HEATR5A: variants seen among roughly 807,000 people sequenced by gnomAD.
The protein encoded by HEATR5A is HEAT repeat containing 5A.
In HEATR5A, 178 loss-of-function variants were observed where a neutral mutation model predicts 218.8. The ratio of observed to expected loss-of-function variants is 0.81; its 90% CI spans 0.72 to 0.92. The LOEUF is 0.92. HEATR5A is among the 40% of genes least tolerant of loss of function. The pLI is 0.00. For synonymous variants in HEATR5A, 864 were observed against 871.6 expected (o/e 0.99, Z 0.15); for missense variants, 2,420 against 2,418.9 (o/e 1.00, Z -0.01).
At chr14:31,377,223 G>A (rs888428555) in intron 11 of HEATR5A, among the ~76,000 whole-genome samples, 7 of 151,600 alleles carry the variant, frequency 4.6e-5, no homozygotes, top group Admixed American at 2.6e-4. Flanking sequence ...AAAATGTAGT[G>A]TAAAACCTGG....
chr14:31,397,658 CAAA>C (rs537734132), intron 4 of HEATR5A, among the ~76,000 whole-genome samples: 7 of 75,744 alleles, frequency 9.2e-5, no homozygotes, highest in East Asian at 3.7e-4. Context: ...GACTCCGTCT[CAAA>C]AAAAAAAAAA....
chr14:31,311,847 C>A (rs1899765260), intron 28 of HEATR5A, among the ~76,000 whole-genome samples: 1 of 152,156 alleles, frequency 6.6e-6, no homozygotes, highest in South Asian at 2.1e-4. Context: ...GCACACCAAA[C>A]AAAGGAGACA....
intron 19 of HEATR5A, among the ~76,000 whole-genome samples, chr14:31,346,842 C>T (rs980271929): frequency 2.6e-5 from 4 of 152,018 alleles, no homozygotes; most frequent in African/African-American, 9.7e-5. Flanking sequence ...ACAGATAAGA[C>T]GACAGAAGGG....
intron 1 of HEATR5A, among the ~76,000 whole-genome samples, chr14:31,413,761 C>T (rs576244040): frequency 6.6e-6 from 1 of 152,244 alleles, no homozygotes; most frequent in East Asian, 1.9e-4. Flanking sequence ...AGAAATTTGT[C>T]CGAGGCTGAA....
chr14:31,315,564 A>C (rs1183836877), intron 27 of HEATR5A, among the ~76,000 whole-genome samples: 1 of 152,216 alleles, frequency 6.6e-6, no homozygotes, highest in African/African-American at 2.4e-5. Context: ...CACTGCTTAA[A>C]GTAGGAGATA....
At chr14:31,371,980 C>A in intron 12 of HEATR5A, 71 bp from the exon 13 acceptor site, 1 of 656,214 alleles carries the variant, frequency 1.5e-6, no homozygotes, top group Non-Finnish European at 2.6e-6. Context: ...GATTATGGTA[C>A]AACATTAGCA....
At chr14:31,343,725 T>C (rs1180962596) in intron 21 of HEATR5A, among the ~76,000 whole-genome samples, 171 bp downstream of exon 21, 1 of 152,200 alleles carries the variant, frequency 6.6e-6, no homozygotes, top group Non-Finnish European at 1.5e-5. Context: ...TAGGAGCTGA[T>C]TGCATGAAAG....
intron 1 of HEATR5A, among the ~76,000 whole-genome samples, chr14:31,404,708 G>A (rs982767124): frequency 2.0e-5 from 3 of 151,950 alleles, no homozygotes; most frequent in South Asian, 4.1e-4. Flanking sequence ...GGGTCCAGGA[G>A]TTCGAGACCA....
intron 13 of HEATR5A, among the ~76,000 whole-genome samples, chr14:31,371,294 T>G (rs769372115): frequency 1.1e-4 from 16 of 152,224 alleles, no homozygotes; most frequent in Non-Finnish European, 1.5e-4. Context: ...TTATACCTTA[T>G]AAGCCATATC....
chr14:31,293,878 T>C lies in HEATR5A; in HGVS notation c.5833+13A>G. ...TTGTTGAGACTGAGTATGAATTTAG[T>C]GCTGACACTTACGATGGTGTTCTTC... On this transcript the variant is annotated intron_variant, in intron 35 of 35. Transcript: ENST00000543095. The C allele has an allele frequency of 6.3e-7, 1 of 1,575,078 alleles. No individual in the cohort carries two copies. The highest frequency in any genetic ancestry group is 8.7e-7 in the Non-Finnish European group (1 of 1,155,840).
intron 13 of HEATR5A, among the ~76,000 whole-genome samples, chr14:31,369,475 T>C (rs1053054632): frequency 2.6e-5 from 4 of 151,682 alleles, no homozygotes; most frequent in Admixed American, 6.6e-5. Context: ...TAGCCAGGCA[T>C]AGTGGTGCAT....
At position 31,359,051 on chromosome 14, in the gene HEATR5A, A is replaced by G; in HGVS notation, c.2078T>C (p.Leu693Pro). ...LLPPETYEGNLCAILRELAAD... is the reference protein window; with the variant it reads ...LLPPETYEGNPCAILRELAAD... Reference sequence around the variant, plus strand: ...AGCCAGCTCTCTGAGGATAGCACAGAGGTTTCCTGTTGAGTCACAGAAAAA... The same window carrying G: ...AGCCAGCTCTCTGAGGATAGCACAGGGGTTTCCTGTTGAGTCACAGAAAAA... Residue 693 changes from leucine to proline, a missense_variant, in exon 15 of 36, where the codon CTC becomes CCC. Leu to Pro is a moderately conservative substitution (Grantham distance 98). Coordinates refer to ENST00000543095, the MANE Select transcript of HEATR5A (RefSeq NM_015473.4). 1 of 1,594,926 alleles carries G rather than the reference A, an allele frequency of 6.3e-7. No homozygotes were observed. Among genetic ancestry groups the G allele is most frequent in the South Asian group, 1.2e-5 (1 of 86,472 alleles).
intron 33 of HEATR5A, among the ~76,000 whole-genome samples, chr14:31,300,558 C>T (rs750600295): frequency 5.3e-5 from 8 of 152,042 alleles, no homozygotes; most frequent in Non-Finnish European, 1.2e-4. Context: ...CAAGGGTCAG[C>T]TCCTTCCGGA....
chr14:31,408,602 C>T (rs2031161862), intron 1 of HEATR5A, among the ~76,000 whole-genome samples: 1 of 151,962 alleles, frequency 6.6e-6, no homozygotes, highest in African/African-American at 2.4e-5. Context: ...GCTGGCTTGA[C>T]AATTTATGTG....
At chr14:31,352,981 TA>T (rs1395682631) in intron 16 of HEATR5A, among the ~76,000 whole-genome samples, 2 of 149,642 alleles carry the variant, frequency 1.3e-5, no homozygotes, top group African/African-American at 5.0e-5. Flanking sequence ...AAAATAAAAA[TA>T]AAAATAAAAT....
intron 25 of HEATR5A, chr14:31,320,236 C>T: frequency 1.5e-6 from 1 of 674,270 alleles, no homozygotes. Flanking sequence ...ACATGGCGAA[C>T]AGGATGAAGA....
intron 27 of HEATR5A, among the ~76,000 whole-genome samples, chr14:31,313,823 T>C (rs558370127): frequency 8.5e-5 from 13 of 152,252 alleles, no homozygotes; most frequent in Non-Finnish European, 1.8e-4. Flanking sequence ...TTATAGATTC[T>C]ATGGTATTGC....
chr14:31,293,707 A>G, intron 35 of HEATR5A, 95 bp from the exon 36 acceptor site: 1 of 1,242,714 alleles, frequency 8.0e-7, no homozygotes, highest in Non-Finnish European at 1.1e-6. Flanking sequence ...TTCCCCACTA[A>G]AGAAAACAAT....
intron 33 of HEATR5A, among the ~76,000 whole-genome samples, chr14:31,301,859 C>T (rs1363691049): frequency 7.8e-6 from 1 of 128,014 alleles, no homozygotes; most frequent in Non-Finnish European, 1.5e-5. Flanking sequence ...GCTCTGTTGT[C>T]CAGGCTGGAG....
Sources: allele counts gnomAD v4.1 joint callset (sites outside exome capture counted in the v4.1 genomes callset), GRCh38; gene constraint gnomAD v4.1.1; transcripts MANE v1.5; gene names NCBI Gene and HGNC (gene_info 2026-07-23, HGNC 2026-07-21).